SGCD: variants seen among roughly 807,000 people sequenced by gnomAD.
SGCD encodes delta-sarcoglycan.
SGCD carries 18 observed loss-of-function variants against 36.6 expected under a neutral mutation model. The observed-to-expected ratio is 0.49, with a 90% CI of 0.34 to 0.73. SGCD has a LOEUF of 0.73. SGCD is among the 30% of genes least tolerant of loss of function. The probability of loss-of-function intolerance (pLI) is 0.01; values close to 1 mark genes in which losing one functional copy is unlikely to be tolerated. For missense variants in SGCD, 387 were observed against 346.7 expected (o/e 1.12, Z -0.92); for synonymous variants, 133 against 130.6 (o/e 1.02, Z -0.12).
At chr5:156,517,159 G>T (rs770802263) in intron 4 of SGCD, among the ~76,000 whole-genome samples, 2 of 152,134 alleles carry the variant, frequency 1.3e-5, no homozygotes, top group African/African-American at 4.8e-5. Context: ...TTGACCTGAT[G>T]GAGCTGAAAA....
chr5:155,822,875 T>C, the SGCD span, among the ~76,000 whole-genome samples: 19 of 152,062 alleles, frequency 1.2e-4, no homozygotes, highest in Non-Finnish European at 2.8e-4. Flanking sequence ...TCATTTTTTG[T>C]TTTCCTCACT....
intron 1 of SGCD, among the ~76,000 whole-genome samples, chr5:156,037,748 G>A (rs562952682): frequency 1.3e-5 from 2 of 152,280 alleles, no homozygotes; most frequent in South Asian, 2.1e-4. Context: ...GGTCTTGCAC[G>A]TGTTAATTCC....
chr5:156,689,401 C>T (rs39926), intron 7 of SGCD, among the ~76,000 whole-genome samples: 117,943 of 152,100 alleles, frequency 0.78, 46,549 homozygotes, highest in Admixed American at 0.86. Flanking sequence ...AGCCTTTATA[C>T]AAAAGGAAGC....
intron 7 of SGCD, among the ~76,000 whole-genome samples, chr5:156,673,440 G>T (rs112281863): frequency 6.6e-6 from 1 of 152,188 alleles, no homozygotes; most frequent in Non-Finnish European, 1.5e-5. Flanking sequence ...CTCAAGCATG[G>T]TTGTCGTAAT....
chr5:155,937,632 T>A (rs1482757900), intron 1 of SGCD, among the ~76,000 whole-genome samples: 1 of 152,050 alleles, frequency 6.6e-6, no homozygotes, highest in Non-Finnish European at 1.5e-5. Context: ...CTTGGGGAAT[T>A]TGGATATTCA....
intron 8 of SGCD, 85 bp downstream of exon 8, chr5:156,757,789 A>C (rs890878040): frequency 6.7e-7 from 1 of 1,497,918 alleles, no homozygotes; most frequent in African/African-American, 1.4e-5. Flanking sequence ...TCGGAGTTGG[A>C]TCCTACAGTG....
chr5:156,472,678 A>G (rs969237456), intron 3 of SGCD, among the ~76,000 whole-genome samples: 2 of 152,200 alleles, frequency 1.3e-5, no homozygotes, highest in African/African-American at 4.8e-5. Context: ...TCTGCCTCCC[A>G]AAGTGCTTGG....
At chr5:156,459,013 A>G (rs1056749673) in intron 3 of SGCD, among the ~76,000 whole-genome samples, 8 of 152,178 alleles carry the variant, frequency 5.3e-5, no homozygotes, top group Non-Finnish European at 1.0e-4. Context: ...TATTGTAATT[A>G]TCTTATTTTT....
chr5:156,431,391 A>G (rs1273235064), intron 3 of SGCD, among the ~76,000 whole-genome samples: 1 of 152,116 alleles, frequency 6.6e-6, no homozygotes, highest in Non-Finnish European at 1.5e-5. Flanking sequence ...CTGTAGGTGC[A>G]TCCATGCTGC....
the SGCD span, among the ~76,000 whole-genome samples, chr5:155,843,753 G>C: frequency 6.6e-6 from 1 of 152,116 alleles, no homozygotes; most frequent in African/African-American, 2.4e-5. Context: ...CATGGAGTAG[G>C]GGGGCTACAG....
the SGCD span, among the ~76,000 whole-genome samples, chr5:155,760,322 T>TCTCTCCATCATCATCTCCATCACC: frequency 0.38 from 3 of 8 alleles, no homozygotes; most frequent in Non-Finnish European, 0.38. Context: ...TCATCATCAC[T>TCTCTCCATCATCATCTCCATCACC]CTNNNNNNNN....
the SGCD span, among the ~76,000 whole-genome samples, chr5:155,856,431 A>G: frequency 6.6e-6 from 1 of 152,224 alleles, no homozygotes; most frequent in East Asian, 1.9e-4. Flanking sequence ...TAAAAACTCT[A>G]AAGACATAGA....
the SGCD span, among the ~76,000 whole-genome samples, chr5:155,762,638 T>C: frequency 6.6e-6 from 1 of 152,182 alleles, no homozygotes; most frequent in African/African-American, 2.4e-5. Flanking sequence ...TCATCCAGGA[T>C]CACCCAGGTA....
At chr5:156,139,200 C>T (rs933647852) in intron 3 of SGCD, among the ~76,000 whole-genome samples, 2 of 152,150 alleles carry the variant, frequency 1.3e-5, no homozygotes, top group Admixed American at 6.5e-5. Flanking sequence ...AGTTTATTTA[C>T]ATTTTTATTT....
At chr5:156,000,413 T>C (rs1758640423) in intron 1 of SGCD, among the ~76,000 whole-genome samples, 1 of 152,158 alleles carries the variant, frequency 6.6e-6, no homozygotes, top group Admixed American at 6.5e-5. Context: ...TGGAAAGGGA[T>C]ATAATCAGAG....
chr5:156,107,033 T>C (rs1181207986), intron 1 of SGCD, among the ~76,000 whole-genome samples: 1 of 152,122 alleles, frequency 6.6e-6, no homozygotes, highest in Non-Finnish European at 1.5e-5. Flanking sequence ...TGTTACAGAG[T>C]CCTTGTCTAC....
chr5:156,059,034 A>G (rs1172373767), intron 1 of SGCD, among the ~76,000 whole-genome samples: 1 of 146,110 alleles, frequency 6.8e-6, no homozygotes, highest in Non-Finnish European at 1.5e-5. Flanking sequence ...AACAGCAGTT[A>G]TAGATTTTTA....
chr5:156,115,358 A>G (rs983535457), intron 1 of SGCD, among the ~76,000 whole-genome samples: 2 of 152,014 alleles, frequency 1.3e-5, no homozygotes, highest in African/African-American at 4.8e-5. Context: ...AATTTAAAAC[A>G]TATTAAAGTA....
intron 3 of SGCD, among the ~76,000 whole-genome samples, chr5:156,464,498 G>A (rs1043107835): frequency 2.0e-4 from 30 of 152,110 alleles, no homozygotes; most frequent in Non-Finnish European, 2.6e-4. Flanking sequence ...GGGATTGCAG[G>A]TGTGAGCCAC....
Sources: gnomAD v4.1 joint callset for allele counts (sites outside exome capture counted in the v4.1 genomes callset) on GRCh38, gnomAD v4.1.1 for gene constraint, MANE v1.5 for transcripts, NCBI Gene and HGNC (gene_info 2026-07-23, HGNC 2026-07-21) for gene names.